DOCK2: variants seen among roughly 807,000 people sequenced by gnomAD.
The protein encoded by DOCK2 is dedicator of cytokinesis protein 2.
A neutral mutation model predicts 248.9 loss-of-function variants in DOCK2; 87 were observed. The observed-to-expected ratio is 0.35, with a 90% CI of 0.29 to 0.42. The LOEUF is 0.42. DOCK2 is among the 10% of genes least tolerant of loss of function. The pLI is 1.00. For synonymous variants in DOCK2, 805 were observed against 821.6 expected (o/e 0.98, Z 0.35); for missense variants, 1,747 against 2,300.2 (o/e 0.76, Z 4.92).
intron 27 of DOCK2, among the ~76,000 whole-genome samples, chr5:169,880,946 A>G (rs925281023): frequency 6.6e-6 from 1 of 152,182 alleles, no homozygotes; most frequent in African/African-American, 2.4e-5. Flanking sequence ...TAGCATAGCT[A>G]CTGTTGAGGA....
chr5:169,691,470 A>G (rs916214114), intron 9 of DOCK2, among the ~76,000 whole-genome samples: 1 of 152,238 alleles, frequency 6.6e-6, no homozygotes, highest in Non-Finnish European at 1.5e-5. Flanking sequence ...AGCACTGGCC[A>G]TACAGCAGTG....
At chr5:169,984,081 A>T (rs972534756) in intron 28 of DOCK2, among the ~76,000 whole-genome samples, 4 of 152,216 alleles carry the variant, frequency 2.6e-5, no homozygotes, top group Admixed American at 2.6e-4. Context: ...ATGATTGAAC[A>T]TACACATTTT....
chr5:169,693,018 T>G (rs1051498373), intron 9 of DOCK2, among the ~76,000 whole-genome samples: 6 of 152,164 alleles, frequency 3.9e-5, no homozygotes, highest in Admixed American at 1.3e-4. Flanking sequence ...GGTGTGTGTG[T>G]GGGGGTGGGG....
chr5:169,786,665 G>A lies in DOCK2; in HGVS notation c.2555-16393G>A, dbSNP rs370955259. 4.6e-5 allele frequency among the ~76,000 whole-genome samples: 7 copies of A among 152,266 alleles called. No individual in the cohort carries two copies. In the South Asian group the frequency reaches 1.5e-3, roughly 32 times the overall value. ...GCCAGCCCAATCTTTAAGAGCACCG[G>A]CTCTGGAGTCCAAGTACTTGACTAC... On this transcript the variant is annotated intron_variant, in intron 25 of 51. Transcript: ENST00000520908.
intron 21 of DOCK2, 110 bp downstream of exon 21, chr5:169,717,594 C>A: frequency 1.1e-6 from 1 of 928,680 alleles, no homozygotes; most frequent in South Asian, 1.4e-5. Flanking sequence ...TCTGTGTGAG[C>A]TCTCCATTCT....
intron 26 of DOCK2, among the ~76,000 whole-genome samples, chr5:169,817,701 C>A (rs1324380934): frequency 6.6e-6 from 1 of 152,198 alleles, no homozygotes; most frequent in Non-Finnish European, 1.5e-5. Flanking sequence ...TTGACATAGG[C>A]CATCATTTAC....
chr5:169,750,842 GA>G (rs1763857983), intron 23 of DOCK2, among the ~76,000 whole-genome samples: 1 of 152,236 alleles, frequency 6.6e-6, no homozygotes, highest in South Asian at 2.1e-4. Context: ...AGTACCATAT[GA>G]AGAGAACTTA....
intron 27 of DOCK2, among the ~76,000 whole-genome samples, chr5:169,870,294 G>T (rs186122102): frequency 6.9e-4 from 105 of 152,246 alleles, no homozygotes; most frequent in African/African-American, 2.4e-3. Context: ...CATCATGCTC[G>T]CTGAAAAGCA....
chr5:169,916,143 C>T (rs1774863156), intron 27 of DOCK2, among the ~76,000 whole-genome samples: 1 of 152,212 alleles, frequency 6.6e-6, no homozygotes, highest in African/African-American at 2.4e-5. Flanking sequence ...CCGGGATTTA[C>T]TCTACCGGGC....
rs924626090 is a variant in DOCK2, at chr5:170,008,483, T to G, written c.3073-14T>G. 2 of 1,613,782 alleles carry G rather than the reference T, an allele frequency of 1.2e-6. No homozygotes were observed. The highest frequency in any genetic ancestry group is 2.7e-5 in the African/African-American group (2 of 74,924). On this transcript the variant is annotated splice_polypyrimidine_tract_variant and intron_variant, in intron 30 of 51. Coordinates refer to ENST00000520908, the MANE Select transcript of DOCK2 (RefSeq NM_004946.3). ...GACCCTCTCCATAACTGTTCTCTGC[T>G]CTTTCATTTACAGCTGTGGAACAAC...
chr5:169,995,996 AG>A, intron 29 of DOCK2, 89 bp from the exon 30 acceptor site: 1 of 1,409,662 alleles, frequency 7.1e-7, no homozygotes, highest in Non-Finnish European at 9.7e-7. Context: ...CTCTCTCCAA[AG>A]AGGGTAAGGG....
intron 27 of DOCK2, among the ~76,000 whole-genome samples, chr5:169,895,960 G>T (rs2113558146): frequency 6.6e-6 from 1 of 152,208 alleles, no homozygotes; most frequent in East Asian, 1.9e-4. Flanking sequence ...CACTACCCTT[G>T]TCTTGCCTGA....
chr5:170,045,843 A>G lies in DOCK2; in HGVS notation c.3904A>G (p.Lys1302Glu), dbSNP rs988225037. 3.7e-6 allele frequency: 6 copies of G among 1,614,152 alleles called. No individual in the cohort carries two copies. The highest frequency in any genetic ancestry group is 1.7e-4 in the Middle Eastern group (1 of 6,060). ...KMWEEAISLC[K>E]ELAEQYEMEI... ...GTGGGAAGAGGCCATAAGTCTGTGC[A>G]AGGAGCTGGCGGAACAGTACGAGAT... Residue 1302 changes from lysine to glutamate, a missense_variant, in exon 39 of 52, where the codon AAG becomes GAG. Physicochemically the swap from Lys to Glu is moderately conservative, Grantham distance 56 (BLOSUM62 1). Around this residue, in one of 4 missense-constraint regions of DOCK2, gnomAD observed 858 missense variants for 1,183.5 expected, o/e 0.72. Coordinates refer to ENST00000520908, the MANE Select transcript of DOCK2 (RefSeq NM_004946.3).
At chr5:169,682,156 A>G (rs574637971) in intron 7 of DOCK2, among the ~76,000 whole-genome samples, 2 of 152,406 alleles carry the variant, frequency 1.3e-5, no homozygotes, top group Admixed American at 1.3e-4. Flanking sequence ...GCGATAACAA[A>G]GTAAATAAAT....
intron 27 of DOCK2, among the ~76,000 whole-genome samples, chr5:169,949,856 C>G (rs1244948006): frequency 6.6e-6 from 1 of 151,756 alleles, no homozygotes; most frequent in East Asian, 1.9e-4. Flanking sequence ...TTTGAAGTGG[C>G]AAATGCAAAT....
intron 32 of DOCK2, among the ~76,000 whole-genome samples, chr5:170,011,863 A>G (rs1755310250): frequency 6.6e-6 from 1 of 152,220 alleles, no homozygotes; most frequent in South Asian, 2.1e-4. Context: ...GGCAGTAGCC[A>G]TCTTAAAGCC....
At chr5:170,061,346 A>G (rs1757321141) in intron 44 of DOCK2, among the ~76,000 whole-genome samples, 1 of 152,242 alleles carries the variant, frequency 6.6e-6, no homozygotes, top group Non-Finnish European at 1.5e-5. Context: ...CTTTGGAATC[A>G]CAAATACCCG....
Position 170,052,168 on chromosome 5 carries a change from A to T in DOCK2, c.4213+1771A>T, listed in dbSNP as rs186352031. Among the ~76,000 whole-genome samples the T allele has an allele frequency of 2.0e-3, 312 of 152,280 alleles. 10 individuals carry two copies. In the South Asian group the frequency reaches 0.038, roughly 18 times the overall value. ...TGCTCAGTCTGCTGTACTTTAATCC[A>T]AATATTCTTCTCTCCGGTGGTAAAT... On this transcript the variant is annotated intron_variant, in intron 41 of 51. Coordinates refer to ENST00000520908, the MANE Select transcript of DOCK2 (RefSeq NM_004946.3).
At chr5:170,050,909 G>C (rs973982540) in intron 41 of DOCK2, among the ~76,000 whole-genome samples, 1 of 152,212 alleles carries the variant, frequency 6.6e-6, no homozygotes, top group African/African-American at 2.4e-5. Context: ...AGGTGCAAGG[G>C]ACTGGAGATT....
Sources: allele counts gnomAD v4.1 joint callset (sites outside exome capture counted in the v4.1 genomes callset), GRCh38; gene constraint gnomAD v4.1.1; regional missense constraint gnomAD v4.1.1; transcripts MANE v1.5; gene names NCBI Gene and HGNC (gene_info 2026-07-23, HGNC 2026-07-21).